The following STX17 variants were observed in gnomAD, a reference collection of about 807,000 sequenced individuals.
STX17 encodes the protein syntaxin-17.
Under a neutral mutation model 35.9 loss-of-function variants are expected in STX17, and 29 were observed. That is an observed-to-expected ratio of 0.81 (90% CI 0.60 to 1.10). The LOEUF is 1.10. STX17 is among the 50% of genes least tolerant of loss of function. STX17 has a pLI of 0.00. For synonymous variants in STX17, 92 were observed against 118.3 expected (o/e 0.78, Z 1.44); for missense variants, 312 against 352.3 (o/e 0.89, Z 0.92).
chr9:99,963,927 A>G (rs1829870139), intron 6 of STX17, among the ~76,000 whole-genome samples: 2 of 152,190 alleles, frequency 1.3e-5, no homozygotes, highest in Admixed American at 1.3e-4. Flanking sequence ...AGAATAGCTC[A>G]ATGTGAACAG....
At position 99,971,845 on chromosome 9, in the gene STX17, A is replaced by C. The variant is rs1342992528; in HGVS notation, c.*3172A>C. ...AGACCAGCCTGGGCAACATAGTGAG[A>C]CTCTTGTCTGTATGAAAAAAATTAA... On this transcript the variant is annotated 3_prime_UTR_variant, in exon 8 of 8. Coordinates refer to ENST00000259400, the MANE Select transcript of STX17 (RefSeq NM_017919.3). Among the ~76,000 whole-genome samples the C allele has an allele frequency of 1.3e-5, 1 of 77,520 alleles. No homozygotes were observed. The highest frequency in any genetic ancestry group is 2.8e-5 in the Non-Finnish European group (1 of 36,348). 50.9% of individuals were successfully genotyped at this position (77,520 alleles called of 152,430 possible).
chr9:99,941,459 A>C (rs1315497048), intron 3 of STX17, among the ~76,000 whole-genome samples: 3 of 152,226 alleles, frequency 2.0e-5, no homozygotes, highest in Non-Finnish European at 4.4e-5. Context: ...AAAGTATTTA[A>C]GCTTTTTATT....
intron 3 of STX17, among the ~76,000 whole-genome samples, chr9:99,936,406 C>G (rs1829235079): frequency 6.6e-6 from 1 of 152,180 alleles, no homozygotes; most frequent in African/African-American, 2.4e-5. Flanking sequence ...AATGGTATCT[C>G]ATGAGTTTAA....
chr9:99,930,869 A>G (rs141855621), intron 3 of STX17, among the ~76,000 whole-genome samples: 71 of 152,364 alleles, frequency 4.7e-4, no homozygotes, highest in African/African-American at 1.6e-3. Context: ...CACTAGATAT[A>G]GAATTCTAGT....
At chr9:99,933,154 A>G (rs1829159170) in intron 3 of STX17, among the ~76,000 whole-genome samples, 1 of 152,138 alleles carries the variant, frequency 6.6e-6, no homozygotes, top group Admixed American at 6.5e-5. Context: ...ATTTTATTCC[A>G]TCTTGAAAAT....
chr9:99,965,483 C>T (rs572442241), intron 6 of STX17, among the ~76,000 whole-genome samples: 10 of 152,206 alleles, frequency 6.6e-5, no homozygotes, highest in South Asian at 2.1e-4. Context: ...CAACATATGA[C>T]GGCTGATGGT....
In STX17 at chr9:99,968,489, T is replaced by G. The variant is rs748915759; in HGVS notation, c.725T>G (p.Met242Arg). The stretch of plus-strand genomic sequence containing the variant: ...GTGGCAGGTGCACTCATCGGGGGAA[T>G]GGTAGGGGGTCCTATTGGCCTCCTT... ...LPVAGALIGGMVGGPIGLLAG... is the reference protein window; with the variant it reads ...LPVAGALIGGRVGGPIGLLAG... Residue 242 changes from methionine (M) to arginine (R), a missense_variant, in exon 8 of 8, where the codon ATG (methionine) becomes AGG (arginine). Coordinates refer to ENST00000259400, the MANE Select transcript of STX17 (RefSeq NM_017919.3). The G allele has an allele frequency of 1.2e-6, 2 of 1,606,388 alleles. No individual in the cohort carries two copies.
intron 2 of STX17, chr9:99,915,950 A>G (rs1828760355): frequency 6.8e-6 from 3 of 442,310 alleles, no homozygotes; most frequent in Non-Finnish European, 9.0e-6. Context: ...ATGTAAAGGC[A>G]GAGAACTTTG....
intron 1 of STX17, among the ~76,000 whole-genome samples, chr9:99,908,976 T>C (rs1828610283): frequency 6.6e-6 from 1 of 152,256 alleles, no homozygotes; most frequent in Admixed American, 6.5e-5. Context: ...GTTTTGTCCC[T>C]TATTTTTAAC....
At chr9:99,942,093 G>C (rs561423972) in intron 3 of STX17, among the ~76,000 whole-genome samples, 26 of 152,266 alleles carry the variant, frequency 1.7e-4, no homozygotes, top group African/African-American at 6.0e-4. Context: ...TTCCAGCAGT[G>C]AGTACAATCC....
intron 6 of STX17, among the ~76,000 whole-genome samples, chr9:99,964,054 C>A (rs1208841830): frequency 3.6e-5 from 4 of 110,866 alleles, no homozygotes; most frequent in Non-Finnish European, 1.9e-5. Flanking sequence ...TCGTAGCTTT[C>A]CAAGAACCTT....
In STX17 at chr9:99,956,617, G is replaced by A. The variant is rs557451860; in HGVS notation, c.416-3300G>A. 2.0e-5 allele frequency among the ~76,000 whole-genome samples: 3 copies of A among 152,264 alleles called. No individual in the cohort carries two copies. In the South Asian group the frequency reaches 6.2e-4, roughly 32 times the overall value. On this transcript the variant is annotated intron_variant, in intron 4 of 7. Coordinates refer to ENST00000259400, the MANE Select transcript of STX17 (RefSeq NM_017919.3). ...TAAGCATTTGTAAAAATCATTTAGA[G>A]CTTTTAAAATATTGGCTATTTGCCA...
chr9:99,915,661 T>C (rs1828754431), intron 2 of STX17, among the ~76,000 whole-genome samples: 1 of 152,010 alleles, frequency 6.6e-6, no homozygotes, highest in African/African-American at 2.4e-5. Flanking sequence ...GGCATGATCA[T>C]AGCCTACTGC....
At chr9:99,940,416 G>A (rs116095738) in intron 3 of STX17, among the ~76,000 whole-genome samples, 1,997 of 151,544 alleles carry the variant, frequency 0.013, 49 homozygotes, top group African/African-American at 0.046. Flanking sequence ...ACAGGTGTGA[G>A]GTTAATTGTT....
At chr9:99,930,806 A>G (rs1434487320) in intron 3 of STX17, among the ~76,000 whole-genome samples, 1 of 152,160 alleles carries the variant, frequency 6.6e-6, no homozygotes, top group Non-Finnish European at 1.5e-5. Context: ...AATATAAGTA[A>G]TTGTATTTCT....
intron 3 of STX17, among the ~76,000 whole-genome samples, chr9:99,943,736 A>G (rs1201227531): frequency 6.6e-6 from 1 of 152,146 alleles, no homozygotes; most frequent in Non-Finnish European, 1.5e-5. Context: ...TAGGATTTTA[A>G]AATCTTGTTT....
At position 99,968,633 on chromosome 9, in the gene STX17, G is replaced by C. The variant is rs778637896; in HGVS notation, c.869G>C (p.Cys290Ser). The C allele has an allele frequency of 2.5e-5, 41 of 1,613,910 alleles. No individual in the cohort carries two copies. Among genetic ancestry groups the C allele is most frequent in the Non-Finnish European group, 3.5e-5 (41 of 1,179,922 alleles). ...ATGATGGAGAAGCTCACTTCCAGCT[G>C]TCCAGATCTTCCCAGCCAAACTGAC... Reference protein sequence around the residue: ...QKMMEKLTSSCPDLPSQTDKK... With the variant: ...QKMMEKLTSSSPDLPSQTDKK... The change falls in exon 8 of 8, where the codon TGT (cysteine) becomes TCT (serine). Residue 290 changes from cysteine (C) to serine (S), a missense_variant. Transcript: ENST00000259400.
At chr9:99,940,569 C>G (rs186162892) in intron 3 of STX17, among the ~76,000 whole-genome samples, 9 of 151,440 alleles carry the variant, frequency 5.9e-5, no homozygotes, top group East Asian at 5.8e-4. Flanking sequence ...ACCTCCACCC[C>G]CCGGCTTCAA....
chr9:99,930,546 C>A (rs907754551), intron 3 of STX17, among the ~76,000 whole-genome samples: 1 of 152,134 alleles, frequency 6.6e-6, no homozygotes, highest in Non-Finnish European at 1.5e-5. Flanking sequence ...GGATTACAGG[C>A]GTGAGCCACT....
Sources: gnomAD v4.1 joint callset for allele counts (sites outside exome capture counted in the v4.1 genomes callset) on GRCh38, gnomAD v4.1.1 for gene constraint, MANE v1.5 for transcripts, NCBI Gene and HGNC (gene_info 2026-07-23, HGNC 2026-07-21) for gene names.